TBXAS1: variants seen among roughly 807,000 people sequenced by gnomAD.
TBXAS1 encodes the protein thromboxane-A synthase.
In TBXAS1, 48 loss-of-function variants were observed where a neutral mutation model predicts 60.7. That is an observed-to-expected ratio of 0.79 (90% confidence interval 0.63 to 1.01). TBXAS1 has a LOEUF of 1.01. Among genes scored for constraint, TBXAS1 ranks in the 50% least tolerant of loss-of-function variants. TBXAS1 has a pLI of 0.00. For missense variants in TBXAS1, 685 were observed against 686.3 expected (o/e 1.00, Z 0.02); for synonymous variants, 287 against 269.7 (o/e 1.06, Z -0.63).
In TBXAS1 at chr7:139,924,477, T is replaced by G. The variant is rs146032004; in HGVS notation, c.334-11714T>G. ...TTTTTTTAAACTGTCGATTCACATC[T>G]TTTGCATGTTTTTTTAATAGGATTA... On this transcript the variant is annotated intron_variant, in intron 4 of 12. Transcript: ENST00000448866. Among the ~76,000 whole-genome samples, 285 of 152,248 alleles carry G rather than the reference T, an allele frequency of 1.9e-3. 1 individual carries two copies. Among genetic ancestry groups the G allele is most frequent in the Middle Eastern group, 6.8e-3 (2 of 294 alleles).
chr7:139,838,205 G>C (rs539813285), intron 1 of TBXAS1, among the ~76,000 whole-genome samples: 4 of 152,350 alleles, frequency 2.6e-5, no homozygotes, highest in Admixed American at 2.6e-4. Context: ...CTTTGTTGCT[G>C]CATGAGGCCT....
chr7:139,973,568 T>A (rs1169179097), intron 9 of TBXAS1, among the ~76,000 whole-genome samples: 1 of 151,780 alleles, frequency 6.6e-6, no homozygotes, highest in African/African-American at 2.4e-5. Context: ...TTTTTTTTTT[T>A]TTTAGGTTGT....
At chr7:139,868,008 G>A (rs373796764) in intron 1 of TBXAS1, among the ~76,000 whole-genome samples, 8 of 152,130 alleles carry the variant, frequency 5.3e-5, no homozygotes, top group African/African-American at 9.7e-5. Context: ...GTCCTGTAGC[G>A]TTTAATGACC....
At chr7:139,898,232 T>C (rs1456101935) in intron 3 of TBXAS1, among the ~76,000 whole-genome samples, 2 of 152,144 alleles carry the variant, frequency 1.3e-5, no homozygotes, top group African/African-American at 4.8e-5. Context: ...GGACATTCCA[T>C]GGCAAAGGTC....
At chr7:140,014,415 G>C (rs1008008614) in intron 10 of TBXAS1, among the ~76,000 whole-genome samples, 1 of 152,184 alleles carries the variant, frequency 6.6e-6, no homozygotes, top group Non-Finnish European at 1.5e-5. Context: ...TTCAGGCTGG[G>C]GCTGAGGTAG....
At position 139,912,519 on chromosome 7, in the gene TBXAS1, A is replaced by G. The variant is rs562974237; in HGVS notation, c.333+1198A>G. Among the ~76,000 whole-genome samples the G allele has an allele frequency of 2.0e-5, 3 of 152,250 alleles. No individual in the cohort carries two copies. In the South Asian group the frequency reaches 6.2e-4, roughly 32 times the overall value. On this transcript the variant is annotated intron_variant, in intron 4 of 12. Transcript: ENST00000448866. ...TCATTCTTTTGTTGATTATGTGGCA[A>G]ACTTTTTCATACCTACCATATGCCA... is the stretch of plus-strand genomic sequence containing the variant.
intron 1 of TBXAS1, among the ~76,000 whole-genome samples, chr7:139,854,910 A>AAGT: frequency 6.6e-6 from 1 of 152,274 alleles, no homozygotes; most frequent in South Asian, 2.1e-4. Flanking sequence ...TCTACTCTGT[A>AAGT]AGTATCTTTG....
chr7:139,825,238 A>G (rs1798408042), upstream of TBXAS1, among the ~76,000 whole-genome samples: 1 of 152,140 alleles, frequency 6.6e-6, no homozygotes, highest in African/African-American at 2.4e-5. Context: ...AAAAACCCTG[A>G]TCAGTGTCCC....
intron 3 of TBXAS1, among the ~76,000 whole-genome samples, chr7:139,905,003 CTCTCTT>C (rs1804887067): frequency 7.9e-5 from 7 of 88,178 alleles, no homozygotes; most frequent in African/African-American, 3.7e-4. Context: ...TTCTCTCTTT[CTCTCTT>C]TCTTTCTTTC....
intron 11 of TBXAS1, chr7:140,016,809 C>G (rs1413678388): frequency 1.3e-5 from 2 of 152,786 alleles, no homozygotes; most frequent in Non-Finnish European, 2.9e-5. Context: ...GTGTTTTCAC[C>G]TTTCATGGCT....
chr7:140,009,472 G>A (rs1814355971), intron 10 of TBXAS1, among the ~76,000 whole-genome samples: 1 of 152,126 alleles, frequency 6.6e-6, no homozygotes, highest in African/African-American at 2.4e-5. Context: ...GCAGCATGAT[G>A]TGTGCAGGGA....
chr7:139,966,052 C>T (rs1041280184), intron 9 of TBXAS1, among the ~76,000 whole-genome samples: 3 of 152,112 alleles, frequency 2.0e-5, no homozygotes, highest in African/African-American at 7.2e-5. Flanking sequence ...GGTTTCCATT[C>T]AACAAATATT....
chr7:139,966,972 C>T (rs1029358670), intron 9 of TBXAS1, among the ~76,000 whole-genome samples: 12 of 152,266 alleles, frequency 7.9e-5, no homozygotes, highest in African/African-American at 1.7e-4. Flanking sequence ...GCCTTCCCTG[C>T]GGGGCTTCTG....
At chr7:139,996,187 G>A (rs188095890) in intron 9 of TBXAS1, among the ~76,000 whole-genome samples, 2 of 149,118 alleles carry the variant, frequency 1.3e-5, no homozygotes, top group East Asian at 2.0e-4. Context: ...GGCTGGTCTC[G>A]ATCTCCTGGC....
chr7:139,868,825 T>A (rs573958611), intron 1 of TBXAS1, among the ~76,000 whole-genome samples: 3 of 151,988 alleles, frequency 2.0e-5, no homozygotes, highest in African/African-American at 7.2e-5. Flanking sequence ...TTTTGTATTT[T>A]TTTTTTTAGT....
chr7:139,837,181 A>T (rs542207246), intron 1 of TBXAS1, among the ~76,000 whole-genome samples: 304 of 152,352 alleles, frequency 2.0e-3, no homozygotes, highest in African/African-American at 6.9e-3. Flanking sequence ...GGATGTGGTG[A>T]TCAGGGAACA....
intron 1 of TBXAS1, among the ~76,000 whole-genome samples, chr7:139,849,613 G>A (rs1800070170): frequency 6.6e-6 from 1 of 152,254 alleles, no homozygotes; most frequent in Non-Finnish European, 1.5e-5. Context: ...AGCCAAATAA[G>A]CAATAGAGGG....
intron 10 of TBXAS1, among the ~76,000 whole-genome samples, chr7:140,011,545 G>A (rs781782477): frequency 6.6e-6 from 1 of 152,210 alleles, no homozygotes; most frequent in East Asian, 1.9e-4. Context: ...CTCTCTGGGA[G>A]AAGAAGCTAT....
intron 4 of TBXAS1, among the ~76,000 whole-genome samples, chr7:139,797,996 G>C (rs1438740448): frequency 1.3e-5 from 2 of 152,170 alleles, no homozygotes; most frequent in Non-Finnish European, 2.9e-5. Context: ...TTAGCCTGGG[G>C]GTCGCCATTG....
Sources: allele counts gnomAD v4.1 joint callset (sites outside exome capture counted in the v4.1 genomes callset), GRCh38; gene constraint gnomAD v4.1.1; transcripts MANE v1.5; gene names NCBI Gene and HGNC (gene_info 2026-07-23, HGNC 2026-07-21).